The following MGAT4C variants were observed in gnomAD, a reference collection of about 807,000 sequenced individuals.
The protein encoded by MGAT4C is alpha-1,3-mannosyl-glycoprotein 4-beta-N-acetylglucosaminyltransferase C.
Under a neutral mutation model 40.1 loss-of-function variants are expected in MGAT4C, and 19 were observed. The observed-to-expected ratio is 0.47, with a 90% CI of 0.33 to 0.70. The LOEUF (loss-of-function observed/expected upper bound fraction) is 0.70, where lower values mean the gene tolerates loss of function less well. MGAT4C is among the 30% of genes least tolerant of loss of function. MGAT4C has a pLI of 0.02. For missense variants in MGAT4C, 491 were observed against 563.2 expected, an observed-to-expected ratio of 0.87 and a Z score of 1.30; for synonymous variants, 181 against 187.1, an observed-to-expected ratio of 0.97 and a Z score of 0.27.
At chr12:86,795,473 T>A (rs1215066452) in intron 1 of MGAT4C, among the ~76,000 whole-genome samples, 1 of 151,990 alleles carries the variant, frequency 6.6e-6, no homozygotes, top group Non-Finnish European at 1.5e-5. Flanking sequence ...CATTTCATTG[T>A]CTTTAACCTC....
chr12:86,593,821 T>C (rs771903343), intron 2 of MGAT4C, among the ~76,000 whole-genome samples: 3 of 152,180 alleles, frequency 2.0e-5, no homozygotes, highest in Non-Finnish European at 4.4e-5. Flanking sequence ...TTCCATTAAA[T>C]GTAGTTGGTA....
rs1592573976 is a variant in MGAT4C, at chr12:85,961,820, C to T, written c.*17469G>A. On this transcript the variant is annotated 3_prime_UTR_variant, in exon 5 of 5. Transcript: ENST00000611864. ...ATAGTCAGGAGGCTTGGATTGGCAG[C>T]TATTAAATACAATTTGAAGCCGTGG... is the stretch of plus-strand genomic sequence containing the variant. 6.6e-6 allele frequency: 1 copy of T among 151,838 alleles called. No individual in the cohort carries two copies. The allele number at this position is 151,838 out of a possible 1,614,324, so 9.4% of individuals were successfully genotyped here.
At chr12:86,691,332 TA>T (rs1451696035) in intron 2 of MGAT4C, among the ~76,000 whole-genome samples, 3 of 152,162 alleles carry the variant, frequency 2.0e-5, no homozygotes, top group African/African-American at 7.2e-5. Context: ...TCTCAGAGTA[TA>T]AAAGTTCTTT....
intron 2 of MGAT4C, chr12:86,028,104 C>G (rs910950064): frequency 1.6e-6 from 2 of 1,284,064 alleles, no homozygotes; most frequent in East Asian, 5.6e-5. Context: ...TAAATAATAC[C>G]TTGCATCTTC....
At chr12:86,303,967 T>A (rs1477091707) in intron 4 of MGAT4C, among the ~76,000 whole-genome samples, 1 of 150,392 alleles carries the variant, frequency 6.6e-6, no homozygotes, top group Non-Finnish European at 1.5e-5. Context: ...ATTTATTTAC[T>A]GGAATAGAAA....
intron 2 of MGAT4C, among the ~76,000 whole-genome samples, chr12:86,582,513 G>C (rs987076151): frequency 1.3e-5 from 2 of 151,274 alleles, no homozygotes; most frequent in Non-Finnish European, 3.0e-5. Context: ...AATGCAAATG[G>C]GTAACAGTTG....
intron 1 of MGAT4C, among the ~76,000 whole-genome samples, chr12:86,203,337 A>G (rs1342703481): frequency 6.6e-6 from 1 of 152,146 alleles, no homozygotes. Context: ...TGGCTCCAGT[A>G]CTGTATGACC....
At chr12:86,100,220 G>T (rs568190015) in intron 1 of MGAT4C, among the ~76,000 whole-genome samples, 1 of 151,282 alleles carries the variant, frequency 6.6e-6, no homozygotes, top group South Asian at 2.1e-4. Flanking sequence ...CTGTTACAAT[G>T]CATTGGACTC....
intron 3 of MGAT4C, among the ~76,000 whole-genome samples, chr12:86,394,372 G>C (rs978847929): frequency 1.3e-5 from 2 of 151,210 alleles, no homozygotes; most frequent in African/African-American, 4.9e-5. Context: ...TAAAGTTAAT[G>C]CTTGTTCTAA....
intron 1 of MGAT4C, among the ~76,000 whole-genome samples, chr12:86,071,665 A>T (rs911125168): frequency 6.6e-6 from 1 of 152,124 alleles, no homozygotes; most frequent in African/African-American, 2.4e-5. Flanking sequence ...TATGCGTCAT[A>T]GCTTTACATA....
At chr12:86,354,557 A>C (rs1486921261) in intron 3 of MGAT4C, among the ~76,000 whole-genome samples, 1 of 152,202 alleles carries the variant, frequency 6.6e-6, no homozygotes, top group Non-Finnish European at 1.5e-5. Context: ...AGAATAAACC[A>C]CAGAAAATTT....
intron 2 of MGAT4C, among the ~76,000 whole-genome samples, chr12:86,490,649 A>C (rs2136322532): frequency 6.6e-6 from 1 of 152,324 alleles, no homozygotes; most frequent in East Asian, 1.9e-4. Context: ...AAGAGTCAAA[A>C]CCCATCAGTG....
intron 2 of MGAT4C, among the ~76,000 whole-genome samples, chr12:86,441,343 T>TTTA (rs1000725514): frequency 1.2e-3 from 176 of 150,066 alleles, no homozygotes; most frequent in Middle Eastern, 3.5e-3. Flanking sequence ...TATTATTATT[T>TTTA]TTATTATTAT....
chr12:86,510,163 G>A (rs1461424389), intron 2 of MGAT4C, among the ~76,000 whole-genome samples: 2 of 152,152 alleles, frequency 1.3e-5, no homozygotes, highest in Non-Finnish European at 2.9e-5. Context: ...AATGCTTCCA[G>A]TTTTTGCCCA....
chr12:86,404,150 T>G (rs1956420494), intron 3 of MGAT4C, among the ~76,000 whole-genome samples: 1 of 152,112 alleles, frequency 6.6e-6, no homozygotes, highest in South Asian at 2.1e-4. Context: ...ACCACTGCAC[T>G]CCAGCCTGGG....
intron 2 of MGAT4C, among the ~76,000 whole-genome samples, chr12:86,636,199 C>T (rs1345240529): frequency 6.6e-6 from 1 of 152,042 alleles, no homozygotes; most frequent in Non-Finnish European, 1.5e-5. Context: ...TGCCTAAGGA[C>T]AAATTTCTGA....
rs139814773 is a variant in MGAT4C at position 86,408,051 on chromosome 12, A to G, written c.-120+27106T>C. 4.0e-3 allele frequency among the ~76,000 whole-genome samples: 603 copies of G among 152,176 alleles called. 3 individuals carry two copies. Among genetic ancestry groups the G allele is most frequent in the Admixed American group, 8.7e-3 (133 of 15,264 alleles). ...GCCAGGCAACTTCCTTGGATAGATT[A>G]AACATTCTTCCTGTAATTGATGGTA... On this transcript the variant is annotated intron_variant, in intron 3 of 7. Transcript: ENST00000548651.
At chr12:86,080,381 T>A (rs1268002748) in intron 1 of MGAT4C, among the ~76,000 whole-genome samples, 4 of 152,214 alleles carry the variant, frequency 2.6e-5, no homozygotes, top group Non-Finnish European at 5.9e-5. Context: ...GTTTTCTTTA[T>A]ATTTTTAGCT....
chr12:86,461,535 G>A (rs1957602127), intron 2 of MGAT4C, among the ~76,000 whole-genome samples: 1 of 152,126 alleles, frequency 6.6e-6, no homozygotes, highest in Non-Finnish European at 1.5e-5. Flanking sequence ...GTGAGCCACT[G>A]CGCCCGGCCA....
Sources: allele counts gnomAD v4.1 joint callset (sites outside exome capture counted in the v4.1 genomes callset), GRCh38; gene constraint gnomAD v4.1.1; transcripts MANE v1.5; gene names NCBI Gene and HGNC (gene_info 2026-07-23, HGNC 2026-07-21).